BDNF: variants seen among roughly 807,000 people sequenced by gnomAD.
BDNF encodes the protein neurotrophic factor BDNF precursor form.
In BDNF, 1 loss-of-function variant was observed where a neutral mutation model predicts 19.5. The observed-to-expected ratio is 0.05, with a 90% CI of 0.02 to 0.24. The LOEUF (loss-of-function observed/expected upper bound fraction) is 0.24. Ranked by LOEUF, BDNF falls within the 10% of genes least tolerant of loss-of-function variation. The pLI, the probability that BDNF is intolerant of heterozygous loss-of-function variation, is 1.00. For missense variants in BDNF, 195 were observed against 317.6 expected, an observed-to-expected ratio of 0.61 and a Z score of 2.93; for synonymous variants, 100 against 121.6, an observed-to-expected ratio of 0.82 and a Z score of 1.17.
chr11:27,687,690 G>C (rs1468503406), intron 1 of BDNF, among the ~76,000 whole-genome samples: 1 of 152,180 alleles, frequency 6.6e-6, no homozygotes. Context: ...CTGGAATTTG[G>C]TGGAGGTCCA....
intron 1 of BDNF, among the ~76,000 whole-genome samples, chr11:27,708,044 T>G (rs1386983340): frequency 6.6e-6 from 1 of 152,178 alleles, no homozygotes; most frequent in Non-Finnish European, 1.5e-5. Flanking sequence ...ATTTCATGTG[T>G]CCCCCAAATG....
At chr11:27,664,618 A>T (rs1488827554) in intron 1 of BDNF, among the ~76,000 whole-genome samples, 1 of 152,148 alleles carries the variant, frequency 6.6e-6, no homozygotes, top group Non-Finnish European at 1.5e-5. Flanking sequence ...GTCTCTACAA[A>T]AACTTAAAAA....
At chr11:27,708,936 C>T (rs1860217573) in intron 1 of BDNF, among the ~76,000 whole-genome samples, 1 of 145,474 alleles carries the variant, frequency 6.9e-6, no homozygotes, top group African/African-American at 2.5e-5. Flanking sequence ...TCAAGCAATT[C>T]TCCTGCCTCA....
chr11:27,700,397 C>A lies in BDNF; in HGVS notation c.-255G>T. 1 of 985,988 alleles carries A rather than the reference C, an allele frequency of 1.0e-6. No individual in the cohort carries two copies. Among genetic ancestry groups the A allele is most frequent in the Non-Finnish European group, 1.2e-6 (1 of 830,290 alleles). 61.1% of individuals were successfully genotyped at this position (985,988 alleles called of 1,614,324 possible). Reference sequence around the variant, plus strand: ...GCTACGGGGTGCGCGGGACAGCGAGCGGGCGGGTGCGCCCGGGCGCGGCGG... The same window carrying A: ...GCTACGGGGTGCGCGGGACAGCGAGAGGGCGGGTGCGCCCGGGCGCGGCGG... On this transcript the variant is annotated 5_prime_UTR_variant, in exon 1 of 2. Transcript: ENST00000356660.
upstream of BDNF, among the ~76,000 whole-genome samples, chr11:27,702,902 C>G (rs1047150231): frequency 2.6e-5 from 4 of 152,172 alleles, no homozygotes; most frequent in Non-Finnish European, 5.9e-5. Context: ...ATCTCCCCCA[C>G]CCCCTAAGTG....
chr11:27,668,252 G>A (rs917196111), intron 1 of BDNF, among the ~76,000 whole-genome samples: 2 of 152,144 alleles, frequency 1.3e-5, no homozygotes, highest in Non-Finnish European at 2.9e-5. Context: ...CAGAATCTCT[G>A]GGACACATTT....
chr11:27,699,526 T>G, intron 1 of BDNF: 7 of 1,606,480 alleles, frequency 4.4e-6, no homozygotes, highest in East Asian at 2.2e-5. Flanking sequence ...GGTAGAGATG[T>G]GGGTTCGGCC....
At chr11:27,721,155 A>G (rs1860730539) in intron 1 of BDNF, among the ~76,000 whole-genome samples, 1 of 152,128 alleles carries the variant, frequency 6.6e-6, no homozygotes, top group Non-Finnish European at 1.5e-5. Context: ...CTGCTGAGAG[A>G]CAAGCATCAG....
At chr11:27,706,118 C>T (rs949086619) in intron 1 of BDNF, among the ~76,000 whole-genome samples, 1 of 152,022 alleles carries the variant, frequency 6.6e-6, no homozygotes, top group East Asian at 1.9e-4. Context: ...CACTTAGAGG[C>T]GGGGGAGGGC....
upstream of BDNF, among the ~76,000 whole-genome samples, chr11:27,703,050 T>TC (rs1461087113): frequency 6.6e-6 from 1 of 152,210 alleles, no homozygotes; most frequent in Non-Finnish European, 1.5e-5. Flanking sequence ...TGCACCTCTG[T>TC]CAACTTGACA....
At chr11:27,700,082 T>C in intron 1 of BDNF, 82 bp downstream of exon 1, 1 of 974,878 alleles carries the variant, frequency 1.0e-6, no homozygotes, top group Non-Finnish European at 1.2e-6. Context: ...TCCCACAACT[T>C]TGGGGTGGGG....
chr11:27,656,859 C>A lies in BDNF; in HGVS notation c.*962G>T. The stretch of plus-strand genomic sequence containing the variant: ...TGCTTATACGAGTGTCATGATGTGA[C>A]ACAATGTGTTCACTTGTTCACAGCA... On this transcript the variant is annotated 3_prime_UTR_variant, in exon 2 of 2. Transcript: ENST00000356660. The A allele has an allele frequency of 1.0e-6, 1 of 985,180 alleles. No individual in the cohort carries two copies. 61.0% of individuals were successfully genotyped at this position (985,180 alleles called of 1,614,324 possible).
chr11:27,670,466 A>C (rs2133885749), intron 1 of BDNF, among the ~76,000 whole-genome samples: 1 of 152,342 alleles, frequency 6.6e-6, no homozygotes, highest in East Asian at 1.9e-4. Flanking sequence ...ATCAGAGTGA[A>C]TAGGAAACCT....
intron 1 of BDNF, chr11:27,720,671 C>T (rs1034927731): frequency 3.0e-6 from 3 of 985,494 alleles, no homozygotes; most frequent in Non-Finnish European, 3.6e-6. Flanking sequence ...TCGGACAAAT[C>T]CGTTGGCTCT....
At chr11:27,662,451 T>C (rs1853614324) in intron 1 of BDNF, among the ~76,000 whole-genome samples, 1 of 152,204 alleles carries the variant, frequency 6.6e-6, no homozygotes, top group African/African-American at 2.4e-5. Flanking sequence ...AGTGAACCCA[T>C]TGAAATTCTC....
chr11:27,662,535 A>T (rs2133820143), intron 1 of BDNF, among the ~76,000 whole-genome samples: 1 of 152,304 alleles, frequency 6.6e-6, no homozygotes, highest in East Asian at 1.9e-4. Flanking sequence ...GGCAGCAGGA[A>T]CCAGTTTTGT....
At chr11:27,693,628 T>C (rs1858594269) in intron 1 of BDNF, among the ~76,000 whole-genome samples, 1 of 152,196 alleles carries the variant, frequency 6.6e-6, no homozygotes, top group Non-Finnish European at 1.5e-5. Flanking sequence ...GGCCTGGGAC[T>C]CCGCCAAGCA....
intron 1 of BDNF, among the ~76,000 whole-genome samples, chr11:27,709,825 T>C (rs1860258106): frequency 6.6e-6 from 1 of 152,260 alleles, no homozygotes; most frequent in Admixed American, 6.5e-5. Context: ...TTGCTAAAGC[T>C]GGCAACACAT....
intron 1 of BDNF, among the ~76,000 whole-genome samples, chr11:27,697,119 C>G (rs1859110943): frequency 6.6e-6 from 1 of 150,926 alleles, no homozygotes; most frequent in East Asian, 2.0e-4. Context: ...CTCTCTCCCC[C>G]TCTACACACA....
Sources: allele counts gnomAD v4.1 joint callset (sites outside exome capture counted in the v4.1 genomes callset), GRCh38; gene constraint gnomAD v4.1.1; transcripts MANE v1.5; gene names NCBI Gene and HGNC (gene_info 2026-07-23, HGNC 2026-07-21).